The following SELENOF variants were observed in gnomAD, a reference collection of about 807,000 sequenced individuals.
SELENOF encodes the protein 15 kDa selenoprotein.
SELENOF carries 16 observed loss-of-function variants against 20.5 expected under a neutral mutation model. The ratio of observed to expected loss-of-function variants is 0.78; its 90% CI spans 0.53 to 1.19. The LOEUF is 1.19. Ranked by LOEUF, SELENOF falls within the 50% of genes most tolerant of loss-of-function variation. The probability of loss-of-function intolerance (pLI) is 0.00; values close to 1 mark genes in which losing one functional copy is unlikely to be tolerated. For synonymous variants in SELENOF, 78 were observed against 74.5 expected (o/e 1.05, Z -0.24); for missense variants, 215 against 194.2 (o/e 1.11, Z -0.64).
intron 1 of SELENOF, among the ~76,000 whole-genome samples, chr1:86,912,652 G>C (rs1239846261): frequency 2.0e-5 from 3 of 152,184 alleles, no homozygotes; most frequent in Non-Finnish European, 4.4e-5. Flanking sequence ...CCGACTGGAG[G>C]ATGAGAGGTC....
At chr1:86,880,792 T>C (rs943532017) in intron 2 of SELENOF, 67 bp from the exon 3 acceptor site, 5 of 1,067,220 alleles carry the variant, frequency 4.7e-6, no homozygotes, top group Non-Finnish European at 6.7e-6. Context: ...AAAATAAATA[T>C]AAATTTTCAC....
At chr1:86,865,009 G>T (rs1658556200) in intron 4 of SELENOF, among the ~76,000 whole-genome samples, 1 of 151,714 alleles carries the variant, frequency 6.6e-6, no homozygotes, top group African/African-American at 2.4e-5. Context: ...ATTTAAAAAT[G>T]TTTATTTATT....
At chr1:86,883,320 G>T (rs754303844) in intron 2 of SELENOF, among the ~76,000 whole-genome samples, 9 of 152,142 alleles carry the variant, frequency 5.9e-5, no homozygotes, top group Non-Finnish European at 1.3e-4. Flanking sequence ...TTTCATGGGT[G>T]TAAGTTTCAG....
At chr1:86,882,560 T>C (rs1476663224) in intron 2 of SELENOF, among the ~76,000 whole-genome samples, 3 of 149,908 alleles carry the variant, frequency 2.0e-5, no homozygotes, top group Admixed American at 2.0e-4. Context: ...CTGTTGGGAA[T>C]GAGAAGTGGT....
At chr1:86,882,081 A>C (rs1039972737) in intron 2 of SELENOF, among the ~76,000 whole-genome samples, 2 of 151,710 alleles carry the variant, frequency 1.3e-5, no homozygotes, top group Admixed American at 6.6e-5. Context: ...AAAATACAAA[A>C]ATTAGCTGGG....
intron 2 of SELENOF, among the ~76,000 whole-genome samples, chr1:86,885,980 T>A (rs1188056383): frequency 1.3e-5 from 2 of 152,240 alleles, no homozygotes; most frequent in African/African-American, 4.8e-5. Flanking sequence ...GTTCAAGTTG[T>A]GTACGTGAGG....
At chr1:86,906,661 C>G (rs552746845) in intron 1 of SELENOF, among the ~76,000 whole-genome samples, 1 of 152,294 alleles carries the variant, frequency 6.6e-6, no homozygotes, top group South Asian at 2.1e-4. Context: ...ATGTAGAGAG[C>G]AACTGAAAAC....
At chr1:86,886,433 CT>C (rs10633486) in intron 2 of SELENOF, among the ~76,000 whole-genome samples, 17,529 of 145,934 alleles carry the variant, frequency 0.12, 1,627 homozygotes, top group African/African-American at 0.26. Flanking sequence ...TGTTACAGTA[CT>C]TTTTTTTTTT....
chr1:86,884,178 T>C (rs912802611), intron 2 of SELENOF, among the ~76,000 whole-genome samples: 1 of 152,138 alleles, frequency 6.6e-6, no homozygotes, highest in African/African-American at 2.4e-5. Context: ...AATGCCTCTT[T>C]TTTCATGACA....
At position 86,868,790 on chromosome 1, in the gene SELENOF, C is replaced by A. The variant is rs150754822; in HGVS notation, c.317-688G>T. Reference sequence around the variant, plus strand: ...ACAAAAATCTACTCCTAAGCATGACCCAAAAGGAAATGTTTTATAGATACG... The same window carrying A: ...ACAAAAATCTACTCCTAAGCATGACACAAAAGGAAATGTTTTATAGATACG... On this transcript the variant is annotated intron_variant, in intron 3 of 4. Coordinates refer to ENST00000331835, the MANE Select transcript of SELENOF (RefSeq NM_004261.5). 3.0e-3 allele frequency among the ~76,000 whole-genome samples: 461 copies of A among 151,550 alleles called. 1 individual carries two copies. The highest frequency in any genetic ancestry group is 0.011 in the African/African-American group (437 of 41,318).
intron 3 of SELENOF, among the ~76,000 whole-genome samples, chr1:86,874,737 T>C (rs1179576584): frequency 2.6e-5 from 4 of 151,928 alleles, no homozygotes; most frequent in African/African-American, 9.7e-5. Context: ...CACGTGAAAA[T>C]ATAAATGAAA....
chr1:86,893,691 A>T (rs1022975073), intron 2 of SELENOF, among the ~76,000 whole-genome samples: 14 of 152,194 alleles, frequency 9.2e-5, no homozygotes, highest in African/African-American at 3.4e-4. Context: ...AAAGAGAGAA[A>T]GAGGTAAGCT....
chr1:86,899,235 T>G (rs1298025943), intron 2 of SELENOF, among the ~76,000 whole-genome samples: 1 of 151,446 alleles, frequency 6.6e-6, no homozygotes, highest in Non-Finnish European at 1.5e-5. Flanking sequence ...TTTCCCCACC[T>G]TTCCCCGCTT....
chr1:86,899,281 G>T (rs1468862070), intron 2 of SELENOF, among the ~76,000 whole-genome samples: 183 of 150,466 alleles, frequency 1.2e-3, no homozygotes, highest in African/African-American at 4.2e-3. Context: ...ATCATGGCCC[G>T]TTCTCAATGA....
chr1:86,899,001 G>A (rs1246491110), intron 2 of SELENOF, among the ~76,000 whole-genome samples: 12 of 151,932 alleles, frequency 7.9e-5, no homozygotes, highest in South Asian at 4.2e-4. Context: ...GGAGCATGCC[G>A]CCTTCAAGCA....
intron 2 of SELENOF, among the ~76,000 whole-genome samples, chr1:86,896,452 C>T (rs368896437): frequency 4.7e-4 from 71 of 152,190 alleles, no homozygotes; most frequent in African/African-American, 1.7e-3. Flanking sequence ...ATTTAACCCA[C>T]TAAAATACTA....
intron 2 of SELENOF, among the ~76,000 whole-genome samples, chr1:86,891,791 C>T (rs371195558): frequency 8.6e-5 from 13 of 151,662 alleles, no homozygotes; most frequent in Admixed American, 5.2e-4. Context: ...GACTCAACTA[C>T]GAAATAAAGA....
rs563051131 is a variant in SELENOF, at chr1:86,863,782, G to A, written c.367-177C>T. 4.0e-5 allele frequency among the ~76,000 whole-genome samples: 6 copies of A among 150,916 alleles called. No homozygotes were observed. In the South Asian group the frequency reaches 1.3e-3, roughly 31 times the overall value. Reference sequence around the variant, plus strand: ...AGGAGAAGAGTTTTACAGGATTTCGGAAAAAAAGGAGAATTAAAAAAATCA... The same window carrying A: ...AGGAGAAGAGTTTTACAGGATTTCGAAAAAAAAGGAGAATTAAAAAAATCA... On this transcript the variant is annotated intron_variant, in intron 4 of 4. Transcript: ENST00000331835.
At chr1:86,870,053 G>A (rs1032833429) in intron 3 of SELENOF, among the ~76,000 whole-genome samples, 2 of 152,142 alleles carry the variant, frequency 1.3e-5, no homozygotes, top group Non-Finnish European at 2.9e-5. Flanking sequence ...GATTATAGGC[G>A]TGAGCCACTG....
Sources: allele counts gnomAD v4.1 joint callset (sites outside exome capture counted in the v4.1 genomes callset), GRCh38; gene constraint gnomAD v4.1.1; transcripts MANE v1.5; gene names NCBI Gene and HGNC (gene_info 2026-07-23, HGNC 2026-07-21).